Variants in CUBN observed in about 807,000 individuals in gnomAD.
CUBN encodes 460 kDa receptor.
In CUBN, 282 loss-of-function variants were observed where a neutral mutation model predicts 405.3. The observed-to-expected ratio is 0.70, with a 90% CI of 0.63 to 0.77. CUBN has a LOEUF of 0.77. Ranked by LOEUF, CUBN falls within the 30% of genes least tolerant of loss-of-function variation. CUBN has a pLI of 0.00. For synonymous variants in CUBN, 1,684 were observed against 1,617.0 expected (o/e 1.04, Z -0.99); for missense variants, 4,514 against 4,475.2 (o/e 1.01, Z -0.25).
chr10:16,984,403 C>G, intron 29 of CUBN, 124 bp from the exon 30 acceptor site: 5 of 955,100 alleles, frequency 5.2e-6, no homozygotes, highest in Non-Finnish European at 8.1e-6. Context: ...AAATCTCAGC[C>G]TCCCTGGGTG....
chr10:16,926,566 G>C (rs375739753), intron 41 of CUBN, among the ~76,000 whole-genome samples: 27 of 152,212 alleles, frequency 1.8e-4, no homozygotes, highest in African/African-American at 6.5e-4. Context: ...TAGGCTGGTA[G>C]CAACAGAAAT....
At chr10:16,840,294 A>T in intron 62 of CUBN, 36 bp downstream of exon 62, 1 of 1,541,432 alleles carries the variant, frequency 6.5e-7, no homozygotes, top group East Asian at 2.2e-5. Flanking sequence ...TGAAAAGGTC[A>T]CTAGATGTGA....
intron 59 of CUBN, among the ~76,000 whole-genome samples, chr10:16,868,144 C>T (rs1395838592): frequency 2.0e-5 from 3 of 149,198 alleles, no homozygotes; most frequent in African/African-American, 5.2e-5. Context: ...AGGCAACACT[C>T]TCTCACTGCC....
chr10:16,840,969 A>T lies in CUBN; in HGVS notation c.9742T>A (p.Ser3248Thr), dbSNP rs1261615460. Residue 3248 changes from serine to threonine, a missense_variant, in exon 61 of 67, where the codon TCT becomes ACT. Coordinates refer to ENST00000377833, the MANE Select transcript of CUBN (RefSeq NM_001081.4). ...AATTGAACCGTAAGGAAGTTACCAGAAGAGATAAAAGGAGCAGGTACTGTG... is the reference window on the plus strand; with the variant it reads ...AATTGAACCGTAAGGAAGTTACCAGTAGAGATAAAAGGAGCAGGTACTGTG... ...GSTVPAPFIS[S>T]GNFLTVQFIS... The T allele has an allele frequency of 6.2e-7, 1 of 1,614,078 alleles. No individual in the cohort carries two copies. Among genetic ancestry groups the T allele is most frequent in the South Asian group, 1.1e-5 (1 of 91,078 alleles).
intron 29 of CUBN, among the ~76,000 whole-genome samples, chr10:16,986,416 TG>T (rs1394398556): frequency 6.6e-6 from 1 of 152,138 alleles, no homozygotes; most frequent in Non-Finnish European, 1.5e-5. Flanking sequence ...AAGCCTACTT[TG>T]GGGAGGAGTG....
chr10:17,127,792 A>C (rs1837233366), intron 3 of CUBN, 37 bp downstream of exon 3: 1 of 1,453,618 alleles, frequency 6.9e-7, no homozygotes, highest in African/African-American at 1.4e-5. Context: ...AACTAGGGAG[A>C]ACTCATCGGT....
At chr10:16,941,076 G>C (rs7075681) in intron 36 of CUBN, among the ~76,000 whole-genome samples, 20,575 of 152,232 alleles carry the variant, frequency 0.14, 1,729 homozygotes, top group Non-Finnish European at 0.19. Context: ...ACATGTAGGT[G>C]CTAGTTGAGT....
Position 16,877,098 on chromosome 10 carries a change from C to G in CUBN, c.8906-1G>C. 6.2e-7 allele frequency: 1 copy of G among 1,612,482 alleles called. No homozygotes were observed. The highest frequency in any genetic ancestry group is 1.1e-5 in the South Asian group (1 of 90,886). ...CAGCTTCCCGTCACAGCGGAACGAGCTGGAAAAGGCATGGAACAACCGCAT... is the reference window on the plus strand; with the variant it reads ...CAGCTTCCCGTCACAGCGGAACGAGGTGGAAAAGGCATGGAACAACCGCAT... On this transcript the variant is annotated splice_acceptor_variant, in intron 56 of 66. Coordinates refer to ENST00000377833, the MANE Select transcript of CUBN (RefSeq NM_001081.4). LOFTEE classifies it high-confidence loss of function.
At chr10:17,077,690 G>C (rs905748661) in intron 17 of CUBN, among the ~76,000 whole-genome samples, 10 of 152,126 alleles carry the variant, frequency 6.6e-5, no homozygotes, top group African/African-American at 2.4e-4. Flanking sequence ...TCTTAGCTAA[G>C]TAAAGACTGG....
At chr10:16,946,612 C>T (rs1431801744) in intron 36 of CUBN, among the ~76,000 whole-genome samples, 2 of 151,516 alleles carry the variant, frequency 1.3e-5, no homozygotes, top group East Asian at 1.9e-4. Flanking sequence ...TCTCCTGCCT[C>T]AGCCTCCCAA....
At chr10:17,103,286 G>C (rs1477887527) in intron 12 of CUBN, 49 bp from the exon 13 acceptor site, 4 of 1,186,932 alleles carry the variant, frequency 3.4e-6, no homozygotes, top group Admixed American at 3.4e-5. Context: ...CTAAAAGGAA[G>C]AGGTTGGGCA....
chr10:17,037,942 CTT>C (rs397846881), intron 27 of CUBN, among the ~76,000 whole-genome samples: 60 of 142,922 alleles, frequency 4.2e-4, no homozygotes, highest in Non-Finnish European at 5.2e-4. Flanking sequence ...ACACAGTCAC[CTT>C]TTTTTTTTTT....
intron 60 of CUBN, among the ~76,000 whole-genome samples, chr10:16,850,446 A>C (rs1470717445): frequency 6.6e-6 from 1 of 152,070 alleles, no homozygotes; most frequent in Non-Finnish European, 1.5e-5. Context: ...ATTGAACAGA[A>C]GTTTCTTGAT....
chr10:16,919,208 C>T (rs933673840), intron 44 of CUBN, among the ~76,000 whole-genome samples: 4 of 152,126 alleles, frequency 2.6e-5, no homozygotes, highest in African/African-American at 9.7e-5. Flanking sequence ...ACTAATGGAG[C>T]GTCCCAACTG....
At chr10:16,964,964 C>T (rs1433492924) in intron 31 of CUBN, among the ~76,000 whole-genome samples, 2 of 152,216 alleles carry the variant, frequency 1.3e-5, no homozygotes, top group African/African-American at 2.4e-5. Context: ...AAACTGAAGC[C>T]CTCTTCCTGT....
chr10:16,895,686 A>G (rs1047640754), intron 54 of CUBN, among the ~76,000 whole-genome samples: 1 of 152,098 alleles, frequency 6.6e-6, no homozygotes, highest in African/African-American at 2.4e-5. Flanking sequence ...TCTAAAGTCT[A>G]CTTCATCAGA....
intron 54 of CUBN, among the ~76,000 whole-genome samples, chr10:16,897,321 C>G (rs201019581): frequency 6.9e-6 from 1 of 145,494 alleles, no homozygotes; most frequent in Admixed American, 6.8e-5. Context: ...TTACCACGTG[C>G]CTTGCACATT....
chr10:17,120,455 G>A (rs1340330948), intron 6 of CUBN, among the ~76,000 whole-genome samples: 2 of 152,160 alleles, frequency 1.3e-5, no homozygotes, highest in African/African-American at 2.4e-5. Flanking sequence ...AATCTATGAA[G>A]GGCAGAGTCT....
intron 8 of CUBN, among the ~76,000 whole-genome samples, chr10:17,113,056 A>G (rs1222113293): frequency 6.6e-6 from 1 of 152,190 alleles, no homozygotes; most frequent in Non-Finnish European, 1.5e-5. Context: ...ACTTGAGGCC[A>G]GGAGTTTGAG....
Sources: allele counts gnomAD v4.1 joint callset (sites outside exome capture counted in the v4.1 genomes callset), GRCh38; gene constraint gnomAD v4.1.1; transcripts MANE v1.5; gene names NCBI Gene and HGNC (gene_info 2026-07-23, HGNC 2026-07-21).